The following NXPH1 variants were observed in gnomAD, a reference collection of about 807,000 sequenced individuals.
The protein encoded by NXPH1 is neurexophilin-1.
In NXPH1, 5 loss-of-function variants were observed where a neutral mutation model predicts 23.7. The ratio of observed to expected loss-of-function variants is 0.21; its 90% CI spans 0.11 to 0.44. NXPH1 has a LOEUF of 0.44. Ranked by LOEUF, NXPH1 falls within the 20% of genes least tolerant of loss-of-function variation. The probability of loss-of-function intolerance (pLI) is 0.99; values close to 1 mark genes in which losing one functional copy is unlikely to be tolerated. For missense variants in NXPH1, 324 were observed against 321.6 expected (o/e 1.01, Z -0.06); for synonymous variants, 144 against 122.2 (o/e 1.18, Z -1.18).
At chr7:8,542,217 A>C (rs1459534645) in intron 2 of NXPH1, among the ~76,000 whole-genome samples, 2 of 151,556 alleles carry the variant, frequency 1.3e-5, no homozygotes, top group Non-Finnish European at 3.0e-5. Context: ...TCTGTGAGCA[A>C]AAAAATAGTA....
At chr7:8,502,096 T>C (rs988610324) in intron 2 of NXPH1, among the ~76,000 whole-genome samples, 4 of 152,064 alleles carry the variant, frequency 2.6e-5, no homozygotes, top group African/African-American at 9.7e-5. Context: ...CTATCATTAA[T>C]TGGCTCTGTG....
intron 2 of NXPH1, among the ~76,000 whole-genome samples, chr7:8,503,373 G>A (rs573829766): frequency 1.1e-4 from 17 of 151,946 alleles, no homozygotes; most frequent in Admixed American, 8.5e-4. Context: ...TCCCCTGTGC[G>A]GCCTCTTTGT....
intron 2 of NXPH1, among the ~76,000 whole-genome samples, chr7:8,696,586 A>G (rs1010876311): frequency 1.3e-5 from 2 of 152,160 alleles, no homozygotes; most frequent in Non-Finnish European, 2.9e-5. Context: ...TCATACAAAT[A>G]TATGTTGCAG....
intron 2 of NXPH1, among the ~76,000 whole-genome samples, chr7:8,621,650 C>G (rs1272373552): frequency 6.6e-6 from 1 of 151,930 alleles, no homozygotes; most frequent in Non-Finnish European, 1.5e-5. Context: ...ACCACGCCGG[C>G]TAATTTTTGT....
intron 2 of NXPH1, among the ~76,000 whole-genome samples, chr7:8,721,994 T>G (rs939729866): frequency 1.3e-5 from 2 of 152,194 alleles, no homozygotes; most frequent in Non-Finnish European, 2.9e-5. Context: ...GGGTTTACTT[T>G]AGTACTTCCT....
chr7:8,471,352 C>G (rs891682471), intron 2 of NXPH1, among the ~76,000 whole-genome samples: 1 of 152,112 alleles, frequency 6.6e-6, no homozygotes, highest in African/African-American at 2.4e-5. Context: ...AACTCTGGGT[C>G]ACACGAATAT....
intron 2 of NXPH1, among the ~76,000 whole-genome samples, chr7:8,523,639 G>T (rs1032912198): frequency 6.6e-6 from 1 of 152,144 alleles, no homozygotes; most frequent in Non-Finnish European, 1.5e-5. Flanking sequence ...TTCTTAAAGC[G>T]TTTGTAAAGT....
At chr7:8,497,251 C>T (rs1004834201) in intron 2 of NXPH1, among the ~76,000 whole-genome samples, 2 of 152,100 alleles carry the variant, frequency 1.3e-5, no homozygotes, top group African/African-American at 2.4e-5. Context: ...TTTCTTAATC[C>T]ACTCTATCAT....
At chr7:8,748,612 A>C (rs1242720431) in intron 2 of NXPH1, among the ~76,000 whole-genome samples, 1 of 152,158 alleles carries the variant, frequency 6.6e-6, no homozygotes, top group Non-Finnish European at 1.5e-5. Context: ...CTCTGCACAC[A>C]ATGGCCCTCT....
intron 2 of NXPH1, among the ~76,000 whole-genome samples, chr7:8,709,872 T>C (rs893587846): frequency 5.3e-5 from 8 of 152,334 alleles, no homozygotes; most frequent in Admixed American, 3.9e-4. Context: ...AGGCTATATA[T>C]CTTTACCAGC....
chr7:8,744,662 T>A (rs1562472733), intron 2 of NXPH1, among the ~76,000 whole-genome samples: 4 of 152,376 alleles, frequency 2.6e-5, no homozygotes, highest in East Asian at 3.9e-4. Context: ...ATCACCAGAA[T>A]GACTTCCCAC....
chr7:8,709,193 C>T (rs918566421), intron 2 of NXPH1, among the ~76,000 whole-genome samples: 3 of 152,192 alleles, frequency 2.0e-5, no homozygotes, highest in African/African-American at 7.2e-5. Context: ...TCTCATTTCC[C>T]TATCTGCTTT....
intron 2 of NXPH1, among the ~76,000 whole-genome samples, chr7:8,589,677 T>G (rs1240666691): frequency 6.6e-6 from 1 of 152,048 alleles, no homozygotes; most frequent in African/African-American, 2.4e-5. Context: ...AGTTGGTGAA[T>G]AAGTATAAAT....
chr7:8,483,065 A>G (rs1468648660), intron 2 of NXPH1, among the ~76,000 whole-genome samples: 1 of 152,198 alleles, frequency 6.6e-6, no homozygotes, highest in African/African-American at 2.4e-5. Context: ...TAGCAATGTA[A>G]TATTAATACA....
At chr7:8,583,814 C>A (rs929921309) in intron 2 of NXPH1, among the ~76,000 whole-genome samples, 1 of 152,138 alleles carries the variant, frequency 6.6e-6, no homozygotes, top group African/African-American at 2.4e-5. Flanking sequence ...TGGAACTCCT[C>A]TGAGAGGTGG....
chr7:8,563,168 G>A (rs1218126902), intron 2 of NXPH1, among the ~76,000 whole-genome samples: 1 of 151,716 alleles, frequency 6.6e-6, no homozygotes, highest in African/African-American at 2.4e-5. Context: ...ATCACACATT[G>A]CAAAGAAAAC....
In NXPH1 at chr7:8,549,741, ATTAAC is replaced by A. The variant is rs1312894835; in HGVS notation, c.54+113978_54+113982del. On this transcript the variant is annotated intron_variant, in intron 2 of 2. Coordinates refer to ENST00000405863, the MANE Select transcript of NXPH1 (RefSeq NM_152745.3). Reference sequence around the variant, plus strand: ...CCATATATGTGTAACTAATTAGCTAATTAACTTACTTAATCTGTTTTTACAGAGGA... The same window carrying A: ...CCATATATGTGTAACTAATTAGCTAATTACTTAATCTGTTTTTACAGAGGA... Among the ~76,000 whole-genome samples the A allele has an allele frequency of 2.0e-5, 3 of 151,570 alleles. No individual in the cohort carries two copies. The East Asian group carries it at 5.9e-4, about 30-fold the overall frequency.
intron 2 of NXPH1, among the ~76,000 whole-genome samples, chr7:8,686,949 G>T (rs969344616): frequency 6.6e-6 from 1 of 151,834 alleles, no homozygotes. Flanking sequence ...ATTTTTTAAT[G>T]AAAAAAAGCA....
intron 2 of NXPH1, among the ~76,000 whole-genome samples, chr7:8,541,142 A>G (rs190870333): frequency 6.6e-6 from 1 of 151,924 alleles, no homozygotes; most frequent in East Asian, 2.0e-4. Flanking sequence ...TAGATTGAGT[A>G]GATATGGAAG....
Sources: gnomAD v4.1 joint callset for allele counts (sites outside exome capture counted in the v4.1 genomes callset) on GRCh38, gnomAD v4.1.1 for gene constraint, MANE v1.5 for transcripts, NCBI Gene and HGNC (gene_info 2026-07-23, HGNC 2026-07-21) for gene names.